Variants in GNG7 observed in about 807,000 individuals in gnomAD.
GNG7 encodes guanine nucleotide-binding protein G(I)/G(S)/G(O) subunit gamma-7.
GNG7 carries 1 observed loss-of-function variant against 4.0 expected under a neutral mutation model. That is an observed-to-expected ratio of 0.25 (90% CI 0.09 to 1.18). The LOEUF (loss-of-function observed/expected upper bound fraction) is 1.18. Ranked by LOEUF, GNG7 falls within the 50% of genes most tolerant of loss-of-function variation. The pLI, the probability that GNG7 is intolerant of heterozygous loss-of-function variation, is 0.50. For synonymous variants in GNG7, 34 were observed against 36.9 expected (o/e 0.92, Z 0.29); for missense variants, 86 against 91.9 (o/e 0.94, Z 0.26).
chr19:2,661,302 G>GAGAAAGAA (rs71179906), intron 1 of GNG7, among the ~76,000 whole-genome samples: 924 of 73,008 alleles, frequency 0.013, 31 homozygotes, highest in Admixed American at 0.029. Flanking sequence ...AAGAAAGAAA[G>GAGAAAGAA]AGAAAGAAAG....
At chr19:2,572,012 GTTGTTTTGTT>G (rs575653762) in intron 2 of GNG7, among the ~76,000 whole-genome samples, 2 of 151,906 alleles carry the variant, frequency 1.3e-5, no homozygotes, top group South Asian at 2.1e-4. Context: ...TTGTGTTTTT[GTTGTTTTGTT>G]TTGTTTTGTT....
chr19:2,656,905 T>C (rs892979057), intron 1 of GNG7, among the ~76,000 whole-genome samples: 2 of 152,120 alleles, frequency 1.3e-5, no homozygotes, highest in Non-Finnish European at 2.9e-5. Context: ...CCTAATGATT[T>C]TTAGCAAAGA....
At chr19:2,679,125 GC>G (rs1178865824) in intron 1 of GNG7, among the ~76,000 whole-genome samples, 3 of 152,126 alleles carry the variant, frequency 2.0e-5, no homozygotes, top group Admixed American at 2.0e-4. Flanking sequence ...ATAGCTCACT[GC>G]AGCCTCAACT....
intron 1 of GNG7, among the ~76,000 whole-genome samples, chr19:2,651,071 T>C (rs1415925359): frequency 6.6e-6 from 1 of 152,092 alleles, no homozygotes. Context: ...AGGTAGCAGG[T>C]GCCGAATGTC....
intron 2 of GNG7, among the ~76,000 whole-genome samples, chr19:2,563,286 C>G (rs980685596): frequency 1.3e-5 from 2 of 151,990 alleles, no homozygotes; most frequent in Non-Finnish European, 2.9e-5. Context: ...CTCTCCCGTT[C>G]TGTACTCTGG....
At chr19:2,682,025 T>C (rs1292698230) in intron 1 of GNG7, among the ~76,000 whole-genome samples, 5 of 152,180 alleles carry the variant, frequency 3.3e-5, no homozygotes, top group Non-Finnish European at 7.3e-5. Context: ...TTCTCCTGCC[T>C]CAGCCTCCCA....
chr19:2,679,454 C>G (rs1247216038), intron 1 of GNG7, among the ~76,000 whole-genome samples: 2 of 152,112 alleles, frequency 1.3e-5, no homozygotes, highest in East Asian at 3.8e-4. Context: ...GCCTCGTAGT[C>G]CATCCCAATC....
At chr19:2,519,597 A>ATTTTTTTTTT (rs1170074823) in intron 4 of GNG7, among the ~76,000 whole-genome samples, 1 of 140,640 alleles carries the variant, frequency 7.1e-6, no homozygotes, top group African/African-American at 2.7e-5. Flanking sequence ...CACATGCAAA[A>ATTTTTTTTTT]TTTTTTTTTT....
chr19:2,526,729 ATTGT>A (rs1168601640), intron 3 of GNG7, among the ~76,000 whole-genome samples: 1 of 149,582 alleles, frequency 6.7e-6, no homozygotes, highest in Non-Finnish European at 1.5e-5. Flanking sequence ...TGACATTTAC[ATTGT>A]TTGCTATTGA....
At chr19:2,652,305 C>A (rs1302857385) in intron 1 of GNG7, among the ~76,000 whole-genome samples, 1 of 152,024 alleles carries the variant, frequency 6.6e-6, no homozygotes, top group African/African-American at 2.4e-5. Context: ...ATTGTGGAGT[C>A]CAAAAACAAA....
intron 2 of GNG7, among the ~76,000 whole-genome samples, chr19:2,568,298 C>T (rs981815823): frequency 8.2e-5 from 6 of 73,212 alleles, no homozygotes; most frequent in Admixed American, 5.1e-4. Flanking sequence ...CATATACACA[C>T]GCACACACAT....
At chr19:2,561,420 G>T (rs17755190) in intron 2 of GNG7, among the ~76,000 whole-genome samples, 6,665 of 152,140 alleles carry the variant, frequency 0.044, 219 homozygotes, top group East Asian at 0.11. Flanking sequence ...GTTAGGTCCT[G>T]TCACAGTTTT....
intron 1 of GNG7, among the ~76,000 whole-genome samples, chr19:2,699,934 C>A (rs1402467240): frequency 2.0e-5 from 3 of 152,166 alleles, no homozygotes; most frequent in African/African-American, 7.2e-5. Context: ...CCCAGGCAGC[C>A]TTCTCTTGAA....
chr19:2,566,333 G>T (rs1266740639), intron 2 of GNG7, among the ~76,000 whole-genome samples: 2 of 152,102 alleles, frequency 1.3e-5, no homozygotes. Context: ...CCAGGAGCTG[G>T]GAGTGGCCCT....
intron 1 of GNG7, among the ~76,000 whole-genome samples, chr19:2,685,535 G>A (rs902570480): frequency 1.3e-5 from 2 of 152,060 alleles, no homozygotes; most frequent in Non-Finnish European, 2.9e-5. Flanking sequence ...TGAGACAGGA[G>A]GATGGCTGGA....
chr19:2,686,792 C>A (rs2144905815), intron 1 of GNG7, among the ~76,000 whole-genome samples: 1 of 150,872 alleles, frequency 6.6e-6, no homozygotes, highest in Middle Eastern at 3.4e-3. Flanking sequence ...CGCTCTCTCG[C>A]CCAGGGTGGA....
chr19:2,580,641 C>T (rs1188477263), intron 2 of GNG7, among the ~76,000 whole-genome samples: 11 of 152,050 alleles, frequency 7.2e-5, no homozygotes. Context: ...CTTGCTGTTA[C>T]CCAGGCTGGA....
In GNG7 at chr19:2,676,859, G is replaced by C. The variant is rs546970604; in HGVS notation, c.-135+25787C>G. On this transcript the variant is annotated intron_variant, in intron 1 of 4. Coordinates refer to ENST00000382159, the MANE Select transcript of GNG7 (RefSeq NM_052847.3). The stretch of plus-strand genomic sequence containing the variant: ...AAGACTCAAAGAGATGTGTGGCAGA[G>C]AGAAGCTGTTCAGACAGCTTCTGGG... 5.0e-4 allele frequency among the ~76,000 whole-genome samples: 76 copies of C among 152,292 alleles called. No individual in the cohort carries two copies. The Middle Eastern group carries it at 0.014, about 27-fold the overall frequency.
At position 2,581,303 on chromosome 19, in the gene GNG7, G is replaced by A. The variant is rs1039874280; in HGVS notation, c.-77-26115C>T. Among the ~76,000 whole-genome samples the A allele has an allele frequency of 4.8e-5, 7 of 147,200 alleles. No individual in the cohort carries two copies. The Admixed American group carries it at 4.8e-4, about 10-fold the overall frequency. ...CCTGGGTGACAGACTGATGGGGGGG[G>A]CCGCGGGGGTGGAGGGGTGATGGGG... On this transcript the variant is annotated intron_variant, in intron 2 of 4. Transcript: ENST00000382159.
Sources: gnomAD v4.1 joint callset for allele counts (sites outside exome capture counted in the v4.1 genomes callset) on GRCh38, gnomAD v4.1.1 for gene constraint, MANE v1.5 for transcripts, NCBI Gene and HGNC (gene_info 2026-07-23, HGNC 2026-07-21) for gene names.